The following RAPGEF1 variants were observed in gnomAD, a reference collection of about 807,000 sequenced individuals.
The protein encoded by RAPGEF1 is CRK SH3-binding GNRP.
RAPGEF1 carries 33 observed loss-of-function variants against 143.3 expected under a neutral mutation model. The ratio of observed to expected loss-of-function variants is 0.23; its 90% CI spans 0.17 to 0.31. RAPGEF1 has a LOEUF of 0.31. RAPGEF1 is among the 10% of genes least tolerant of loss of function. RAPGEF1 has a pLI of 1.00. For missense variants in RAPGEF1, 1,199 were observed against 1,645.4 expected (o/e 0.73, Z 4.69); for synonymous variants, 629 against 676.5 (o/e 0.93, Z 1.09).
At chr9:131,678,424 CAATTT>C (rs778813721) in intron 1 of RAPGEF1, among the ~76,000 whole-genome samples, 1 of 152,188 alleles carries the variant, frequency 6.6e-6, no homozygotes, top group Non-Finnish European at 1.5e-5. Flanking sequence ...CTTCAAATAA[CAATTT>C]AATATTTTCA....
chr9:131,585,710 C>T (rs944899953), intron 22 of RAPGEF1, among the ~76,000 whole-genome samples: 1 of 151,330 alleles, frequency 6.6e-6, no homozygotes, highest in African/African-American at 2.4e-5. Flanking sequence ...ATCTCGGGGC[C>T]TTTAAAACAC....
intron 1 of RAPGEF1, among the ~76,000 whole-genome samples, chr9:131,703,392 C>T (rs910359880): frequency 6.6e-6 from 1 of 152,164 alleles, no homozygotes; most frequent in East Asian, 1.9e-4. Context: ...AATGTAACAT[C>T]ATTTCAACCA....
At chr9:131,589,294 G>A (rs1953769449) in intron 19 of RAPGEF1, among the ~76,000 whole-genome samples, 1 of 152,216 alleles carries the variant, frequency 6.6e-6, no homozygotes, top group Non-Finnish European at 1.5e-5. Context: ...CTGGGGAGCT[G>A]CTGCTCCCAT....
chr9:131,737,494 A>G, intron 1 of RAPGEF1: 3 of 1,613,492 alleles, frequency 1.9e-6, no homozygotes, highest in Non-Finnish European at 2.5e-6. Flanking sequence ...GGGAGCAGGC[A>G]CTTTCATCTA....
chr9:131,724,258 T>A (rs1836477854), intron 1 of RAPGEF1, among the ~76,000 whole-genome samples: 1 of 152,122 alleles, frequency 6.6e-6, no homozygotes, highest in African/African-American at 2.4e-5. Flanking sequence ...AGGAAGGCCA[T>A]ATACACATAC....
chr9:131,709,489 A>G, intron 1 of RAPGEF1: 1 of 733,240 alleles, frequency 1.4e-6, no homozygotes. Flanking sequence ...TCTTGAAATC[A>G]TGTTGGACTA....
chr9:131,730,798 A>G (rs1000526726), intron 1 of RAPGEF1, among the ~76,000 whole-genome samples: 2 of 151,760 alleles, frequency 1.3e-5, no homozygotes, highest in African/African-American at 4.8e-5. Flanking sequence ...CCTGAGGCTC[A>G]GGAGATTAAG....
In RAPGEF1 at chr9:131,577,389, C is replaced by T. The variant is rs1229343055; in HGVS notation, c.*2108G>A. Reference sequence around the variant, plus strand: ...GAAGAGACCCCACCTCTATCCAGCTCAAGCCCAAGAACAAGGCAGACAGAG... The same window carrying T: ...GAAGAGACCCCACCTCTATCCAGCTTAAGCCCAAGAACAAGGCAGACAGAG... On this transcript the variant is annotated 3_prime_UTR_variant, in exon 27 of 27. Transcript: ENST00000683357. 3.3e-5 allele frequency: 5 copies of T among 152,324 alleles called. No homozygotes were observed. Among genetic ancestry groups the T allele is most frequent in the Admixed American group, 2.6e-4 (4 of 15,284 alleles). 9.4% of individuals were successfully genotyped at this position (152,324 alleles called of 1,614,324 possible).
chr9:131,659,841 T>C (rs1231550982), intron 1 of RAPGEF1, among the ~76,000 whole-genome samples: 7 of 149,108 alleles, frequency 4.7e-5, no homozygotes, highest in Non-Finnish European at 1.0e-4. Context: ...TTTTTTGATA[T>C]GGAGTCTCGC....
rs538170938 is a variant in RAPGEF1 at position 131,713,886 on chromosome 9, A to G, written c.61+25884T>C. ...CACTGTTTTTATTATTATTACCTAT[A>G]AATCTCCAAGCTTTAGATACAATAC... On this transcript the variant is annotated intron_variant, in intron 1 of 26. Transcript: ENST00000683357. 1.6e-3 allele frequency among the ~76,000 whole-genome samples: 237 copies of G among 152,292 alleles called. 2 individuals are homozygous for G. Among genetic ancestry groups the G allele is most frequent in the African/African-American group, 5.5e-3 (229 of 41,546 alleles).
intron 1 of RAPGEF1, among the ~76,000 whole-genome samples, chr9:131,726,820 G>C (rs993781673): frequency 1.3e-5 from 2 of 152,050 alleles, no homozygotes; most frequent in Non-Finnish European, 2.9e-5. Flanking sequence ...GGCAAACATA[G>C]GGAAACCTGT....
At position 131,712,620 on chromosome 9, in the gene RAPGEF1, C is replaced by T. The variant is rs1028293605; in HGVS notation, c.61+27150G>A. Among the ~76,000 whole-genome samples, 6 of 152,238 alleles carry T rather than the reference C, an allele frequency of 3.9e-5. No individual in the cohort carries two copies. The East Asian group carries it at 9.6e-4, about 24-fold the overall frequency. On this transcript the variant is annotated intron_variant, in intron 1 of 26. Transcript: ENST00000683357. ...TGTGCACACAGACAACAATGGGTCA[C>T]AGTTACAGAACCTGGGCTCAGGTGT...
intron 1 of RAPGEF1, among the ~76,000 whole-genome samples, chr9:131,738,840 A>G (rs1390639232): frequency 6.6e-6 from 1 of 152,198 alleles, no homozygotes; most frequent in East Asian, 1.9e-4. Flanking sequence ...CCCAGGAAAC[A>G]TAAGCAACTT....
At chr9:131,644,108 T>C (rs1233072201) in intron 3 of RAPGEF1, among the ~76,000 whole-genome samples, 1 of 152,196 alleles carries the variant, frequency 6.6e-6, no homozygotes, top group African/African-American at 2.4e-5. Flanking sequence ...GCAGCATTCA[T>C]GGTCCCTCTG....
chr9:131,685,868 G>A (rs79403233), intron 1 of RAPGEF1, among the ~76,000 whole-genome samples: 4,590 of 152,202 alleles, frequency 0.03, 187 homozygotes, highest in African/African-American at 0.092. Flanking sequence ...ACGTGCATTT[G>A]GACAAACAGA....
At chr9:131,684,511 G>A (rs906216031) in intron 1 of RAPGEF1, among the ~76,000 whole-genome samples, 21 of 152,178 alleles carry the variant, frequency 1.4e-4, no homozygotes, top group Admixed American at 5.9e-4. Context: ...CCCTAAAACA[G>A]CAGTTGCAAA....
At position 131,698,279 on chromosome 9, in the gene RAPGEF1, T is replaced by A. The variant is rs139691610; in HGVS notation, c.61+41491A>T. Among the ~76,000 whole-genome samples, 136 of 152,284 alleles carry A rather than the reference T, an allele frequency of 8.9e-4. 1 individual carries two copies. In the East Asian group the frequency reaches 0.021, roughly 24 times the overall value. Reference sequence around the variant, plus strand: ...GGAGGGGCCCTCTAGTCTGCCCTTGTAAACAGACACTTGCAGGAAGGGAAA... The same window carrying A: ...GGAGGGGCCCTCTAGTCTGCCCTTGAAAACAGACACTTGCAGGAAGGGAAA... On this transcript the variant is annotated intron_variant, in intron 1 of 26. Transcript: ENST00000683357.
intron 1 of RAPGEF1, among the ~76,000 whole-genome samples, chr9:131,691,198 C>A (rs1358824634): frequency 6.6e-6 from 1 of 152,166 alleles, no homozygotes; most frequent in African/African-American, 2.4e-5. Context: ...ATTATTTCCA[C>A]AATGACATGT....
chr9:131,709,600 G>C lies in RAPGEF1; in HGVS notation c.61+30170C>G, dbSNP rs1564190288. The stretch of plus-strand genomic sequence containing the variant: ...TGCCTCCTTGCTTCTTCCTGGAAAG[G>C]AAGCCCAGGGCTTTCTTACCTTGTT... On this transcript the variant is annotated intron_variant, in intron 1 of 26. Transcript: ENST00000683357. The C allele has an allele frequency of 5.6e-6, 9 of 1,609,920 alleles. No homozygotes were observed. In the African/African-American group the frequency reaches 1.2e-4, roughly 22 times the overall value.
Sources: allele counts gnomAD v4.1 joint callset (sites outside exome capture counted in the v4.1 genomes callset), GRCh38; gene constraint gnomAD v4.1.1; transcripts MANE v1.5; gene names NCBI Gene and HGNC (gene_info 2026-07-23, HGNC 2026-07-21).